PEX5L: variants seen among roughly 807,000 people sequenced by gnomAD.
PEX5L encodes the protein peroxisomal biogenesis factor 5 like.
PEX5L carries 30 observed loss-of-function variants against 84.0 expected under a neutral mutation model. The observed-to-expected ratio is 0.36, with a 90% CI of 0.27 to 0.48. PEX5L has a LOEUF of 0.48. PEX5L is among the 20% of genes least tolerant of loss of function. The pLI is 0.99. For missense variants in PEX5L, 533 were observed against 754.6 expected (o/e 0.71, Z 3.44); for synonymous variants, 270 against 283.1 (o/e 0.95, Z 0.46).
chr3:180,032,880 G>A (rs1440069431), intron 1 of PEX5L, among the ~76,000 whole-genome samples: 2 of 151,998 alleles, frequency 1.3e-5, no homozygotes, highest in African/African-American at 2.4e-5. Flanking sequence ...GGTACCAGGA[G>A]GGAAAAAAGT....
intron 1 of PEX5L, among the ~76,000 whole-genome samples, chr3:180,005,203 C>T (rs562591942): frequency 1.3e-5 from 2 of 152,124 alleles, no homozygotes; most frequent in Admixed American, 1.3e-4. Context: ...CAAATTGCTA[C>T]TTCTGAAAAT....
At chr3:179,993,499 T>A (rs1357058633) in intron 1 of PEX5L, among the ~76,000 whole-genome samples, 1 of 152,110 alleles carries the variant, frequency 6.6e-6, no homozygotes, top group African/African-American at 2.4e-5. Flanking sequence ...ATATTTATTT[T>A]ATTTTATTTT....
rs1204716737 is a variant in PEX5L, at chr3:179,874,324, T to C, written c.726+3A>G. 5 of 1,562,534 alleles carry C rather than the reference T, an allele frequency of 3.2e-6. No individual in the cohort carries two copies. Among genetic ancestry groups the C allele is most frequent in the Non-Finnish European group, 3.5e-6 (4 of 1,133,646 alleles). On this transcript the variant is annotated splice_donor_region_variant and intron_variant, in intron 7 of 14. Coordinates refer to ENST00000467460, the MANE Select transcript of PEX5L (RefSeq NM_016559.3). The stretch of plus-strand genomic sequence containing the variant: ...GTGTTCATTGAATAATCAGTTTTGT[T>C]ACCTGAGTCGGAGCCACTAATTCCA...
At chr3:179,941,948 G>A (rs1051498685) in intron 2 of PEX5L, among the ~76,000 whole-genome samples, 5 of 149,040 alleles carry the variant, frequency 3.4e-5, no homozygotes, top group Non-Finnish European at 7.4e-5. Context: ...TTGAACCCGG[G>A]AGGCGGAGGT....
In PEX5L at chr3:179,800,577, T is replaced by TAAAACATCA. The variant is rs1718573644; in HGVS notation, c.*1250_*1251insTGATGTTTT. The TAAAACATCA allele has an allele frequency of 6.6e-6, 1 of 152,188 alleles. No individual in the cohort carries two copies. Among genetic ancestry groups the TAAAACATCA allele is most frequent in the Non-Finnish European group, 1.5e-5 (1 of 68,032 alleles). The allele number at this position is 152,188 out of a possible 1,614,324, so 9.4% of individuals were successfully genotyped here. On this transcript the variant is annotated 3_prime_UTR_variant, in exon 15 of 15. Coordinates refer to ENST00000467460, the MANE Select transcript of PEX5L (RefSeq NM_016559.3). ...ATTCAACCAATTAAAACACCACTGC[T>TAAAACATCA]AATAGAAAATTCCCAATACTTGCTA...
chr3:179,877,659 T>C lies in PEX5L; in HGVS notation c.506-2182A>G, dbSNP rs539273845. ...ATTTTGTAGAGATGGGATCTCACTA[T>C]GTTGTCCAAGCTGGTCTCAAACTCC... On this transcript the variant is annotated intron_variant, in intron 5 of 14. Coordinates refer to ENST00000467460, the MANE Select transcript of PEX5L (RefSeq NM_016559.3). Among the ~76,000 whole-genome samples, 3 of 152,108 alleles carry C rather than the reference T, an allele frequency of 2.0e-5. No homozygotes were observed. In the South Asian group the frequency reaches 6.2e-4, roughly 32 times the overall value.
intron 2 of PEX5L, among the ~76,000 whole-genome samples, chr3:179,956,968 G>A (rs1271018974): frequency 6.6e-6 from 1 of 151,968 alleles, no homozygotes; most frequent in Non-Finnish European, 1.5e-5. Flanking sequence ...GATGAGTAAG[G>A]TTTGAATGGT....
chr3:179,824,881 C>T (rs56267953), intron 8 of PEX5L, among the ~76,000 whole-genome samples: 10,829 of 152,254 alleles, frequency 0.071, 432 homozygotes, highest in Middle Eastern at 0.099. Flanking sequence ...GGCTGGCCAA[C>T]GGTAACTGAG....
chr3:179,917,068 C>T (rs1225878492), intron 2 of PEX5L, among the ~76,000 whole-genome samples: 1 of 129,590 alleles, frequency 7.7e-6, no homozygotes, highest in Non-Finnish European at 1.7e-5. Flanking sequence ...TATCCTTATT[C>T]TATAAGGTTT....
intron 8 of PEX5L, among the ~76,000 whole-genome samples, chr3:179,851,017 T>C (rs1345376170): frequency 1.3e-5 from 2 of 152,224 alleles, no homozygotes; most frequent in Non-Finnish European, 2.9e-5. Context: ...AGACCTATAG[T>C]ATATACACTG....
At position 179,799,246 on chromosome 3, in the gene PEX5L, A is replaced by C. The variant is rs537290845; in HGVS notation, c.*2582T>G. The C allele has an allele frequency of 1.3e-5, 2 of 152,046 alleles. No homozygotes were observed. The highest frequency in any genetic ancestry group is 2.9e-5 in the Non-Finnish European group (2 of 67,998). 9.4% of individuals were successfully genotyped at this position (152,046 alleles called of 1,614,324 possible). The stretch of plus-strand genomic sequence containing the variant: ...CACTCATGTTTTAATAATGGTTTTA[A>C]CTTAATTTTATAAAAAATATTATTG... On this transcript the variant is annotated 3_prime_UTR_variant, in exon 15 of 15. Transcript: ENST00000467460.
chr3:179,866,974 C>A (rs1163880881), intron 7 of PEX5L, among the ~76,000 whole-genome samples: 1 of 138,770 alleles, frequency 7.2e-6, no homozygotes, highest in East Asian at 2.1e-4. Flanking sequence ...TGCCGTGAGT[C>A]GAGATCGCGC....
At chr3:179,819,243 T>C (rs1379351098) in intron 9 of PEX5L, among the ~76,000 whole-genome samples, 1 of 152,198 alleles carries the variant, frequency 6.6e-6, no homozygotes, top group Non-Finnish European at 1.5e-5. Context: ...CAAGTGTTTT[T>C]AAATGCATAA....
At chr3:179,965,199 A>G (rs191242760) in intron 2 of PEX5L, among the ~76,000 whole-genome samples, 2 of 152,344 alleles carry the variant, frequency 1.3e-5, no homozygotes, top group Admixed American at 1.3e-4. Context: ...AACCAGTGGA[A>G]ATAACCAAAG....
chr3:180,020,305 A>T (rs1182357137), intron 1 of PEX5L, among the ~76,000 whole-genome samples: 1 of 152,190 alleles, frequency 6.6e-6, no homozygotes, highest in East Asian at 1.9e-4. Flanking sequence ...TAAATATAAC[A>T]TTGGTCTAAT....
Position 180,027,979 on chromosome 3 carries a change from C to T in PEX5L, c.21+8600G>A, listed in dbSNP as rs78804449. Among the ~76,000 whole-genome samples, 703 of 152,250 alleles carry T rather than the reference C, an allele frequency of 4.6e-3. 4 individuals carry two copies. Among genetic ancestry groups the T allele is most frequent in the African/African-American group, 0.016 (671 of 41,530 alleles). On this transcript the variant is annotated intron_variant, in intron 1 of 14. Coordinates refer to ENST00000467460, the MANE Select transcript of PEX5L (RefSeq NM_016559.3). ...GAGTGACGCTGTCTCTTTTTCAGAG[C>T]ATCATGTCCAGAGGCACATGCTCCA...
chr3:179,943,897 C>A (rs1776821313), intron 2 of PEX5L, among the ~76,000 whole-genome samples: 1 of 152,222 alleles, frequency 6.6e-6, no homozygotes, highest in East Asian at 1.9e-4. Flanking sequence ...GAAGCAGGAC[C>A]AGATAAGGCT....
chr3:180,022,747 T>C (rs1790530384), intron 1 of PEX5L, among the ~76,000 whole-genome samples: 1 of 152,194 alleles, frequency 6.6e-6, no homozygotes, highest in South Asian at 2.1e-4. Flanking sequence ...CTCAATATTA[T>C]TCTGGCCTTC....
intron 3 of PEX5L, among the ~76,000 whole-genome samples, chr3:179,888,884 T>C (rs1756750454): frequency 1.3e-5 from 2 of 152,042 alleles, no homozygotes; most frequent in African/African-American, 2.4e-5. Context: ...CGCATCTCAG[T>C]ATCCCAAATA....
Sources: allele counts gnomAD v4.1 joint callset (sites outside exome capture counted in the v4.1 genomes callset), GRCh38; gene constraint gnomAD v4.1.1; transcripts MANE v1.5; gene names NCBI Gene and HGNC (gene_info 2026-07-23, HGNC 2026-07-21).